FAM228B: variants seen among roughly 807,000 people sequenced by gnomAD.
FAM228B encodes protein FAM228B.
FAM228B carries 38 observed loss-of-function variants against 42.6 expected under a neutral mutation model. The observed-to-expected ratio is 0.89, with a 90% confidence interval of 0.69 to 1.17. The LOEUF (loss-of-function observed/expected upper bound fraction) is 1.17. FAM228B is among the 50% of genes most tolerant of loss of function. The probability of loss-of-function intolerance (pLI) is 0.00; values close to 1 mark genes in which losing one functional copy is unlikely to be tolerated. For synonymous variants in FAM228B, 109 were observed against 122.3 expected (o/e 0.89, Z 0.72); for missense variants, 344 against 367.3 (o/e 0.94, Z 0.52).
In FAM228B at chr2:24,080,818, C is replaced by A; in HGVS notation, c.-289-58C>A. On this transcript the variant is annotated intron_variant, in intron 1 of 10. Transcript: ENST00000613899. This position sits in a 1 kb window ranked among gnomAD's most constrained non-coding sequence, Gnocchi z 4.7. ...GCTGAACTGTAGAAGCAGTTGTTTA[C>A]CTTTGGTGAATTTCAGCGTTGCTTC... 6.2e-7 allele frequency: 1 copy of A among 1,614,092 alleles called. No individual in the cohort carries two copies. Among genetic ancestry groups the A allele is most frequent in the Non-Finnish European group, 8.5e-7 (1 of 1,180,016 alleles).
rs954944607 is a variant in FAM228B, at chr2:24,080,576, G to T, written c.-289-300G>T. ...TGCTGGATAATTCCAGACCAAGTCT[G>T]CATGGTCTAAAGTGTGGATGAATCT... On this transcript the variant is annotated intron_variant, in intron 1 of 10. Transcript: ENST00000613899. The surrounding 1 kb of genome is among the most constrained non-coding windows in gnomAD (Gnocchi z 4.7). Among the ~76,000 whole-genome samples, 12 of 152,308 alleles carry T rather than the reference G, an allele frequency of 7.9e-5. 1 individual carries two copies. The highest frequency in any genetic ancestry group is 2.9e-4 in the African/African-American group (12 of 41,564).
chr2:24,137,750 C>T (rs1666625043), intron 3 of FAM228B, among the ~76,000 whole-genome samples, 159 bp from the exon 4 acceptor site: 1 of 152,122 alleles, frequency 6.6e-6, no homozygotes, highest in African/African-American at 2.4e-5. Context: ...GTGTATGTCA[C>T]ATAGTAGAAG....
intron 9 of FAM228B, 143 bp from the exon 10 acceptor site, chr2:24,167,484 C>T: frequency 2.1e-6 from 2 of 969,386 alleles, no homozygotes; most frequent in Non-Finnish European, 3.1e-6. Flanking sequence ...TCCATTTAAA[C>T]CTGTTCTGTT....
chr2:24,110,770 C>A (rs1021530517), intron 3 of FAM228B, among the ~76,000 whole-genome samples: 1 of 152,120 alleles, frequency 6.6e-6, no homozygotes, highest in Non-Finnish European at 1.5e-5. Context: ...GGGACTCCCC[C>A]CCCAAATCTG....
At chr2:24,110,280 G>A (rs1459761450) in intron 3 of FAM228B, among the ~76,000 whole-genome samples, 1 of 152,162 alleles carries the variant, frequency 6.6e-6, no homozygotes, top group Non-Finnish European at 1.5e-5. Flanking sequence ...GGGCCTGCTT[G>A]AGAGTGGAGG....
Position 24,084,224 on chromosome 2 carries a change from C to T in FAM228B, c.-210+3269C>T. On this transcript the variant is annotated intron_variant, in intron 2 of 10. Transcript: ENST00000613899. The surrounding 1 kb of genome is among the most constrained non-coding windows in gnomAD (Gnocchi z 8.4). ...TCCGCCCGGTTCAGGGCGCTGGCCG[C>T]CACCTTCAGGAGGACTTCACCCTCC... The T allele has an allele frequency of 1.9e-6, 3 of 1,613,930 alleles. No individual in the cohort carries two copies. The highest frequency in any genetic ancestry group is 2.5e-6 in the Non-Finnish European group (3 of 1,179,938).
At chr2:24,157,334 CAG>C (rs1325196734) in intron 7 of FAM228B, among the ~76,000 whole-genome samples, 1 of 152,092 alleles carries the variant, frequency 6.6e-6, no homozygotes, top group East Asian at 1.9e-4. Flanking sequence ...TTCATCTTCA[CAG>C]AAATTTTATT....
chr2:24,081,228 T>C (rs935915090), intron 2 of FAM228B, among the ~76,000 whole-genome samples: 1 of 152,200 alleles, frequency 6.6e-6, no homozygotes, highest in Non-Finnish European at 1.5e-5. Flanking sequence ...TCTTGTTCTT[T>C]GGAGAAAGAA....
intron 3 of FAM228B, among the ~76,000 whole-genome samples, chr2:24,111,527 TTG>T (rs1665795614): frequency 6.6e-6 from 1 of 152,200 alleles, no homozygotes; most frequent in African/African-American, 2.4e-5. Flanking sequence ...AGCTCAGTCT[TTG>T]TTTAGCTTTG....
intron 1 of FAM228B, chr2:24,079,618 T>C (rs1664914361): frequency 1.9e-6 from 3 of 1,614,110 alleles, no homozygotes; most frequent in Non-Finnish European, 2.5e-6. Flanking sequence ...CTATGCAGTC[T>C]AGAATAAGAT....
chr2:24,113,800 C>T (rs1665840022), intron 3 of FAM228B, among the ~76,000 whole-genome samples: 1 of 152,012 alleles, frequency 6.6e-6, no homozygotes, highest in Non-Finnish European at 1.5e-5. Flanking sequence ...TCACTTGAAA[C>T]CTGGAGGTGG....
chr2:24,119,523 C>T (rs535872890), upstream of FAM228B: 30 of 1,306,092 alleles, frequency 2.3e-5, 1 homozygote, highest in African/African-American at 2.5e-4. Flanking sequence ...TACTCGTAGT[C>T]GGAAGACCCA....
At position 24,077,803 on chromosome 2, in the gene FAM228B, C is replaced by T. The variant is rs1284851923; in HGVS notation, c.-290+834C>T. 6.3e-7 allele frequency: 1 copy of T among 1,580,544 alleles called. No individual in the cohort carries two copies. The highest frequency in any genetic ancestry group is 8.6e-7 in the Non-Finnish European group (1 of 1,161,020). On this transcript the variant is annotated intron_variant, in intron 1 of 10. Transcript: ENST00000613899. This position sits in a 1 kb window ranked among gnomAD's most constrained non-coding sequence, Gnocchi z 5.5. The stretch of plus-strand genomic sequence containing the variant: ...GAGATCATCAGCCTGGGGAGAGAGC[C>T]TCACCCTGCCCTCCTCATCCTCCTC...
chr2:24,137,779 T>C, intron 3 of FAM228B, 130 bp from the exon 4 acceptor site: 3 of 621,748 alleles, frequency 4.8e-6, no homozygotes, highest in Non-Finnish European at 8.2e-6. Flanking sequence ...AAAGAAACGA[T>C]TGAATTAATG....
chr2:24,125,902 T>G (rs1040683800), intron 2 of FAM228B, among the ~76,000 whole-genome samples: 1 of 152,214 alleles, frequency 6.6e-6, no homozygotes, highest in Non-Finnish European at 1.5e-5. Context: ...TTTTAAAAAT[T>G]GTATACAAAT....
chr2:24,107,997 A>G (rs545342098), intron 3 of FAM228B, among the ~76,000 whole-genome samples: 1 of 152,190 alleles, frequency 6.6e-6, no homozygotes, highest in Non-Finnish European at 1.5e-5. Flanking sequence ...CGGTTCTTTG[A>G]AAGAAATTAA....
upstream of FAM228B, chr2:24,119,616 T>C: frequency 1.2e-6 from 2 of 1,613,980 alleles, no homozygotes; most frequent in Non-Finnish European, 1.7e-6. Context: ...CTAGGATACA[T>C]GCCCTCAGTG....
chr2:24,101,787 A>G (rs559171544), intron 3 of FAM228B, among the ~76,000 whole-genome samples: 1 of 152,272 alleles, frequency 6.6e-6, no homozygotes, highest in East Asian at 1.9e-4. Flanking sequence ...GATTCACGCC[A>G]TTCTTCCACC....
intron 7 of FAM228B, among the ~76,000 whole-genome samples, chr2:24,151,144 T>C (rs1667011362): frequency 6.6e-6 from 1 of 152,208 alleles, no homozygotes; most frequent in Non-Finnish European, 1.5e-5. Flanking sequence ...CTCCTCTGAA[T>C]GTCTATTTTC....
Sources: gnomAD v4.1 joint callset for allele counts (sites outside exome capture counted in the v4.1 genomes callset) on GRCh38, gnomAD v4.1.1 for gene constraint, Gnocchi (gnomAD v3.1) non-coding constraint, MANE v1.5 for transcripts, NCBI Gene and HGNC (gene_info 2026-07-23, HGNC 2026-07-21) for gene names.